The following PCDHA2 variants were observed in gnomAD, a reference collection of about 807,000 sequenced individuals.
The protein encoded by PCDHA2 is protocadherin alpha-2.
PCDHA2 carries 58 observed loss-of-function variants against 66.0 expected under a neutral mutation model. That is an observed-to-expected ratio of 0.88 (90% CI 0.71 to 1.09). PCDHA2 has a LOEUF of 1.09. PCDHA2 is among the 50% of genes least tolerant of loss of function. PCDHA2 has a pLI of 0.00. For synonymous variants in PCDHA2, 634 were observed against 554.0 expected (o/e 1.14, Z -2.03); for missense variants, 1,267 against 1,242.3 (o/e 1.02, Z -0.30).
At chr5:140,863,208 C>T in intron 1 of PCDHA2, 2 of 990,676 alleles carry the variant, frequency 2.0e-6, no homozygotes, top group Non-Finnish European at 3.1e-6. Context: ...TGGCGGAGAG[C>T]AGCCAAGCGA....
intron 1 of PCDHA2, among the ~76,000 whole-genome samples, chr5:140,965,255 G>C (rs1426270395): frequency 1.3e-5 from 2 of 152,196 alleles, no homozygotes; most frequent in Non-Finnish European, 2.9e-5. Context: ...ATTCAGAACT[G>C]AGCAGCAGAG....
intron 1 of PCDHA2, among the ~76,000 whole-genome samples, chr5:140,880,555 T>C (rs1250449659): frequency 1.3e-5 from 2 of 152,134 alleles, no homozygotes; most frequent in Admixed American, 6.6e-5. Context: ...CTGATGGAAA[T>C]GAGGTTGAGA....
intron 1 of PCDHA2, chr5:140,858,085 G>T: frequency 6.3e-7 from 1 of 1,597,828 alleles, no homozygotes; most frequent in South Asian, 1.1e-5. Context: ...AGGCCTCGTC[G>T]CGGGCTTCAG....
chr5:140,958,454 T>G (rs2095424871), intron 1 of PCDHA2, among the ~76,000 whole-genome samples: 1 of 152,168 alleles, frequency 6.6e-6, no homozygotes, highest in African/African-American at 2.4e-5. Flanking sequence ...CCTTTTATTC[T>G]TCAACTTCTG....
intron 1 of PCDHA2, chr5:140,831,085 G>C (rs1771371659): frequency 6.6e-6 from 1 of 152,106 alleles, no homozygotes; most frequent in African/African-American, 2.4e-5. Flanking sequence ...AGGAATAAAG[G>C]ACAAAAACAA....
At chr5:140,882,339 G>A (rs1554173610) in intron 1 of PCDHA2, 1 of 1,614,162 alleles carries the variant, frequency 6.2e-7, no homozygotes, top group Admixed American at 1.7e-5. Flanking sequence ...CTCGCAGCCT[G>A]GGAGACGGGT....
chr5:140,842,420 A>G, intron 1 of PCDHA2: 2 of 1,613,364 alleles, frequency 1.2e-6, no homozygotes, highest in Non-Finnish European at 1.7e-6. Context: ...TCAATTTGGT[A>G]CTGTCATCGC....
At chr5:140,940,795 A>G (rs2153647229) in intron 1 of PCDHA2, among the ~76,000 whole-genome samples, 1 of 152,276 alleles carries the variant, frequency 6.6e-6, no homozygotes, top group Non-Finnish European at 1.5e-5. Flanking sequence ...TGAAAATGAT[A>G]TTTGCCAGGA....
chr5:140,820,699 T>G (rs2150107645), intron 1 of PCDHA2, among the ~76,000 whole-genome samples: 7 of 152,096 alleles, frequency 4.6e-5, no homozygotes, highest in African/African-American at 1.7e-4. Context: ...GATATTCTTT[T>G]CAACATGATT....
chr5:140,802,325 C>G lies in PCDHA2; in HGVS notation c.2388+4973C>G, dbSNP rs1554122039. ...TCATCGCTCTGATCAGCGTGTCCGACCGCGACTCAGGAGTCAATGGACAGG... is the reference window on the plus strand; with the variant it reads ...TCATCGCTCTGATCAGCGTGTCCGAGCGCGACTCAGGAGTCAATGGACAGG... On this transcript the variant is annotated intron_variant, in intron 1 of 3. Transcript: ENST00000526136. The G allele has an allele frequency of 1.9e-6, 3 of 1,614,134 alleles. No individual in the cohort carries two copies. In the African/African-American group the frequency reaches 4.0e-5, roughly 22 times the overall value.
intron 1 of PCDHA2, chr5:140,852,854 AT>A: frequency 1.0e-6 from 1 of 963,700 alleles, no homozygotes; most frequent in Non-Finnish European, 1.3e-6. Context: ...CTTACTAAGC[AT>A]TTACTATGTC....
At chr5:140,808,715 G>T in intron 1 of PCDHA2, 1 of 1,612,234 alleles carries the variant, frequency 6.2e-7, no homozygotes, top group Non-Finnish European at 8.5e-7. Context: ...CTACGTTTCG[G>T]TGCATGCGGA....
intron 3 of PCDHA2, among the ~76,000 whole-genome samples, chr5:141,000,421 A>ATT (rs34755515): frequency 0.021 from 589 of 27,976 alleles, 60 homozygotes; most frequent in Middle Eastern, 0.062. Flanking sequence ...ATATATATAT[A>ATT]TTTTTTTTTT....
chr5:140,929,554 C>G (rs899446101), intron 1 of PCDHA2: 17 of 488,414 alleles, frequency 3.5e-5, no homozygotes, highest in Non-Finnish European at 5.5e-5. Flanking sequence ...AAAATTAAAA[C>G]CTATTTAAGA....
At chr5:140,862,934 G>A (rs1050739882) in intron 1 of PCDHA2, 1 of 542,302 alleles carries the variant, frequency 1.8e-6, no homozygotes, top group South Asian at 1.4e-5. Context: ...TGGCGGCGCT[G>A]TGAGTGAGCT....
chr5:140,849,354 C>T (rs2150435747), intron 1 of PCDHA2: 1 of 1,448,176 alleles, frequency 6.9e-7, no homozygotes, highest in Admixed American at 2.0e-5. Flanking sequence ...TGATGTTTCT[C>T]CAGATATAAA....
chr5:140,864,821 G>A (rs575763318), intron 1 of PCDHA2: 20 of 152,124 alleles, frequency 1.3e-4, no homozygotes, highest in Middle Eastern at 3.4e-3. Flanking sequence ...CACTTATTTG[G>A]GCTTTAAGTA....
At chr5:140,891,708 C>T (rs1422243783) in intron 1 of PCDHA2, among the ~76,000 whole-genome samples, 1 of 152,066 alleles carries the variant, frequency 6.6e-6, no homozygotes, top group Admixed American at 6.6e-5. Context: ...TGAATTTGTA[C>T]CCCCAAATTC....
At chr5:140,985,577 G>A (rs1265916995) in intron 3 of PCDHA2, among the ~76,000 whole-genome samples, 1 of 152,116 alleles carries the variant, frequency 6.6e-6, no homozygotes, top group Non-Finnish European at 1.5e-5. Flanking sequence ...TGGTGCCTAA[G>A]CCTCCTTATA....
Sources: gnomAD v4.1 joint callset for allele counts (sites outside exome capture counted in the v4.1 genomes callset) on GRCh38, gnomAD v4.1.1 for gene constraint, MANE v1.5 for transcripts, NCBI Gene and HGNC (gene_info 2026-07-23, HGNC 2026-07-21) for gene names.